Variants in ARSB observed in about 807,000 individuals in gnomAD.
ARSB encodes N-acetylgalactosamine-4-sulfatase.
ARSB carries 41 observed loss-of-function variants against 50.9 expected under a neutral mutation model. The observed-to-expected ratio is 0.81, with a 90% confidence interval of 0.63 to 1.04. The LOEUF (loss-of-function observed/expected upper bound fraction) is 1.04. Ranked by LOEUF, ARSB falls within the 50% of genes least tolerant of loss-of-function variation. The probability of loss-of-function intolerance (pLI) is 0.00; values close to 1 mark genes in which losing one functional copy is unlikely to be tolerated. For synonymous variants in ARSB, 269 were observed against 284.8 expected (o/e 0.94, Z 0.56); for missense variants, 672 against 693.3 (o/e 0.97, Z 0.35).
intron 4 of ARSB, among the ~76,000 whole-genome samples, chr5:78,944,344 G>A (rs1363822259): frequency 6.6e-6 from 1 of 152,226 alleles, no homozygotes; most frequent in Admixed American, 6.5e-5. Context: ...TTTGGAGGAG[G>A]AGAGGCACTC....
chr5:78,861,390 A>C lies in ARSB; in HGVS notation c.1143-21964T>G, dbSNP rs556167864. ...AAAATACTGGCAAACCGAATCCAGC[A>C]GCACATCAAAAAGCTTATCCACCAA... On this transcript the variant is annotated intron_variant, in intron 5 of 7. Transcript: ENST00000264914. Among the ~76,000 whole-genome samples, 387 of 152,350 alleles carry C rather than the reference A, an allele frequency of 2.5e-3. 2 individuals carry two copies. The highest frequency in any genetic ancestry group is 8.5e-3 in the African/African-American group (354 of 41,576).
At chr5:78,920,630 C>T (rs1247336989) in intron 4 of ARSB, among the ~76,000 whole-genome samples, 1 of 151,930 alleles carries the variant, frequency 6.6e-6, no homozygotes, top group East Asian at 1.9e-4. Context: ...GACACACCTC[C>T]ACCACAGGGG....
intron 6 of ARSB, among the ~76,000 whole-genome samples, chr5:78,787,200 G>A (rs1212908894): frequency 6.6e-6 from 1 of 151,906 alleles, no homozygotes; most frequent in Non-Finnish European, 1.5e-5. Context: ...AAGCGATCCA[G>A]CCTCCCAAAG....
intron 1 of ARSB, among the ~76,000 whole-genome samples, chr5:78,976,093 G>T (rs653413): frequency 0.17 from 25,816 of 151,716 alleles, 2,324 homozygotes; most frequent in Admixed American, 0.24. Flanking sequence ...ATATAAAATC[G>T]ATTTTCTCAT....
chr5:78,920,106 G>T (rs1749734455), intron 4 of ARSB, among the ~76,000 whole-genome samples: 1 of 152,188 alleles, frequency 6.6e-6, no homozygotes, highest in South Asian at 2.1e-4. Flanking sequence ...GGACAGAGGA[G>T]CCACCTGTTA....
chr5:78,805,232 C>G (rs1767708997), intron 6 of ARSB, among the ~76,000 whole-genome samples: 1 of 152,190 alleles, frequency 6.6e-6, no homozygotes, highest in African/African-American at 2.4e-5. Flanking sequence ...ACAGTCCCAT[C>G]AAGTTTACCT....
intron 5 of ARSB, among the ~76,000 whole-genome samples, chr5:78,848,472 C>A (rs1041460394): frequency 2.0e-5 from 3 of 151,204 alleles, no homozygotes; most frequent in Admixed American, 6.6e-5. Context: ...CATTGTTGGA[C>A]GTTTGGGTTG....
At chr5:78,817,196 T>C (rs888493197) in intron 6 of ARSB, 67 of 826,536 alleles carry the variant, frequency 8.1e-5, no homozygotes, top group Admixed American at 6.8e-4. Context: ...GTGACCACTG[T>C]TGTCCTTGTT....
Position 78,786,197 on chromosome 5 carries a change from G to A in ARSB, c.1214-4223C>T, listed in dbSNP as rs150327173. Among the ~76,000 whole-genome samples the A allele has an allele frequency of 3.9e-3, 601 of 152,228 alleles. 9 individuals carry two copies. Among genetic ancestry groups the A allele is most frequent in the African/African-American group, 0.014 (575 of 41,546 alleles). On this transcript the variant is annotated intron_variant, in intron 6 of 7. Transcript: ENST00000264914. Reference sequence around the variant, plus strand: ...CCCTAGGCAACCCTTAACCCACTTTGTGCTCTGGATTTACCTATTCTGGAC... The same window carrying A: ...CCCTAGGCAACCCTTAACCCACTTTATGCTCTGGATTTACCTATTCTGGAC...
At chr5:78,922,551 C>T (rs1749871425) in intron 4 of ARSB, among the ~76,000 whole-genome samples, 1 of 151,948 alleles carries the variant, frequency 6.6e-6, no homozygotes, top group South Asian at 2.1e-4. Flanking sequence ...CAGCAATACC[C>T]AGGCAGTACT....
chr5:78,865,073 G>A (rs187010878), intron 5 of ARSB, among the ~76,000 whole-genome samples: 6 of 151,936 alleles, frequency 3.9e-5, no homozygotes, highest in Non-Finnish European at 7.4e-5. Flanking sequence ...TCATTCTGGG[G>A]TCTGGAGGAT....
At chr5:78,900,533 G>A (rs1748756585) in intron 4 of ARSB, among the ~76,000 whole-genome samples, 1 of 152,158 alleles carries the variant, frequency 6.6e-6, no homozygotes, top group South Asian at 2.1e-4. Flanking sequence ...GTGGAAATCT[G>A]ATTCTCCAAT....
At position 78,977,301 on chromosome 5, in the gene ARSB, G is replaced by A. The variant is rs956141135; in HGVS notation, c.312+7636C>T. On this transcript the variant is annotated intron_variant, in intron 1 of 7. Transcript: ENST00000264914. ...CATGAGTAGCTGGGATTACAGGTGC[G>A]CACCATCATACCTGGCTAATTTTTG... Among the ~76,000 whole-genome samples, 13 of 151,984 alleles carry A rather than the reference G, an allele frequency of 8.6e-5. 1 individual carries two copies. The highest frequency in any genetic ancestry group is 2.4e-4 in the African/African-American group (10 of 41,364).
intron 4 of ARSB, among the ~76,000 whole-genome samples, chr5:78,951,005 G>C (rs1169523868): frequency 6.6e-6 from 1 of 152,204 alleles, no homozygotes; most frequent in African/African-American, 2.4e-5. Context: ...AAAGACAACT[G>C]ATTAGGTTAA....
intron 4 of ARSB, among the ~76,000 whole-genome samples, chr5:78,933,620 T>C (rs1329881784): frequency 6.6e-6 from 1 of 151,938 alleles, no homozygotes; most frequent in Non-Finnish European, 1.5e-5. Context: ...AGCATTTGCA[T>C]GTGTGGTGAA....
intron 4 of ARSB, among the ~76,000 whole-genome samples, chr5:78,940,299 G>C (rs868175094): frequency 1.3e-5 from 2 of 152,278 alleles, no homozygotes; most frequent in African/African-American, 4.8e-5. Context: ...GATCCCATTT[G>C]TCTATTTTGG....
intron 3 of ARSB, among the ~76,000 whole-genome samples, chr5:78,956,366 G>C (rs1447939968): frequency 2.6e-5 from 4 of 152,092 alleles, no homozygotes; most frequent in Non-Finnish European, 5.9e-5. Context: ...AGGAAATTGT[G>C]GGGGAGAGGA....
intron 1 of ARSB, among the ~76,000 whole-genome samples, chr5:78,973,809 C>A (rs1001154857): frequency 6.6e-6 from 1 of 152,182 alleles, no homozygotes; most frequent in African/African-American, 2.4e-5. Context: ...GAGATAATAT[C>A]CCGTTGAACA....
Position 78,971,106 on chromosome 5 carries a change from A to C in ARSB, c.313-1914T>G, listed in dbSNP as rs1449537337. ...AGGAATAAAAACTTCAAAGGCCCTG[A>C]GACCTGAGCTTACTAGACAAGTTCA... On this transcript the variant is annotated intron_variant, in intron 1 of 7. Coordinates refer to ENST00000264914, the MANE Select transcript of ARSB (RefSeq NM_000046.5). Among the ~76,000 whole-genome samples the C allele has an allele frequency of 2.0e-5, 3 of 152,232 alleles. No individual in the cohort carries two copies. The East Asian group carries it at 5.8e-4, about 29-fold the overall frequency.
Sources: gnomAD v4.1 joint callset for allele counts (sites outside exome capture counted in the v4.1 genomes callset) on GRCh38, gnomAD v4.1.1 for gene constraint, MANE v1.5 for transcripts, NCBI Gene and HGNC (gene_info 2026-07-23, HGNC 2026-07-21) for gene names.